The following C12orf56 variants were observed in gnomAD, a reference collection of about 807,000 sequenced individuals.
C12orf56 encodes uncharacterized protein C12orf56.
A neutral mutation model predicts 69.9 loss-of-function variants in C12orf56; 71 were observed. The observed-to-expected ratio is 1.02, with a 90% CI of 0.84 to 1.24. The LOEUF is 1.24. C12orf56 is among the 50% of genes most tolerant of loss of function. The probability of loss-of-function intolerance (pLI) is 0.00; values close to 1 mark genes in which losing one functional copy is unlikely to be tolerated. For missense variants in C12orf56, 732 were observed against 738.5 expected, an observed-to-expected ratio of 0.99 and a Z score of 0.10; for synonymous variants, 276 against 274.1, an observed-to-expected ratio of 1.01 and a Z score of -0.07.
At chr12:64,359,204 C>T (rs1713042489) in intron 1 of C12orf56, among the ~76,000 whole-genome samples, 1 of 152,134 alleles carries the variant, frequency 6.6e-6, no homozygotes, top group Admixed American at 6.6e-5. Context: ...TTAGGCCTAA[C>T]TTTCTCCAAT....
intron 5 of C12orf56, among the ~76,000 whole-genome samples, chr12:64,307,515 A>G (rs2038530852): frequency 1.3e-5 from 2 of 151,742 alleles, no homozygotes; most frequent in African/African-American, 4.8e-5. Context: ...GATTACAGGC[A>G]CACACCACCA....
At chr12:64,326,590 A>G (rs1405936209) in intron 3 of C12orf56, among the ~76,000 whole-genome samples, 2 of 152,054 alleles carry the variant, frequency 1.3e-5, no homozygotes, top group Non-Finnish European at 2.9e-5. Flanking sequence ...CAAAAAAATT[A>G]GCTGGGTGTG....
intron 5 of C12orf56, among the ~76,000 whole-genome samples, chr12:64,306,766 C>T (rs2038519293): frequency 2.0e-5 from 3 of 152,148 alleles, no homozygotes; most frequent in Admixed American, 2.0e-4. Flanking sequence ...ATTTGTAAAG[C>T]ACTGGAAAGG....
intron 8 of C12orf56, among the ~76,000 whole-genome samples, chr12:64,282,483 A>G (rs965798176): frequency 1.2e-4 from 18 of 152,074 alleles, no homozygotes; most frequent in Non-Finnish European, 2.9e-5. Context: ...GCTACACAAC[A>G]TAATATGCCG....
intron 1 of C12orf56, among the ~76,000 whole-genome samples, chr12:64,358,045 A>G (rs561132383): frequency 6.6e-6 from 1 of 152,358 alleles, no homozygotes; most frequent in African/African-American, 2.4e-5. Context: ...TGTATGTAAA[A>G]GGAGGGATGA....
chr12:64,288,654 A>G (rs2038240754), intron 6 of C12orf56, among the ~76,000 whole-genome samples: 1 of 126,612 alleles, frequency 7.9e-6, no homozygotes, highest in Non-Finnish European at 1.6e-5. Context: ...AAGATCAGAT[A>G]GTTGTAGATA....
chr12:64,364,769 C>T (rs1483165408), intron 1 of C12orf56, among the ~76,000 whole-genome samples: 1 of 151,938 alleles, frequency 6.6e-6, no homozygotes, highest in Admixed American at 6.6e-5. Context: ...TGAGTCCTTT[C>T]AGTGAATCAT....
intron 1 of C12orf56, among the ~76,000 whole-genome samples, chr12:64,365,814 G>A (rs1337655050): frequency 7.3e-6 from 1 of 136,134 alleles, no homozygotes. Context: ...ATAATATATA[G>A]TGTATATATT....
At position 64,275,354 on chromosome 12, in the gene C12orf56, C is replaced by G; in HGVS notation, c.1453G>C (p.Glu485Gln). The G allele has an allele frequency of 7.1e-7, 1 of 1,414,564 alleles. No homozygotes were observed. Among genetic ancestry groups the G allele is most frequent in the Non-Finnish European group, 9.4e-7 (1 of 1,065,452 alleles). The allele number at this position is 1,414,564 out of a possible 1,614,324, so 87.6% of individuals were successfully genotyped here. A position where few individuals can be genotyped will look rare whatever the true frequency, so the allele number is the denominator to read the frequency against. The change falls in exon 10 of 13, where the codon GAG (glutamate) becomes CAG (glutamine). Residue 485 changes from glutamate (E) to glutamine (Q), a missense_variant. Glu to Gln is a conservative substitution (Grantham distance 29, BLOSUM62 2). Coordinates refer to ENST00000543942, the MANE Select transcript of C12orf56 (RefSeq NM_001170633.2). ...AGTGCTGTAGCAGTATTTGTATACT[C>G]CAGAATAAGCTTCTGTAACTAGAAT... ...FDAELQKLIL[E>Q]YTNTATALLY...
chr12:64,304,074 C>T (rs2038481817), intron 5 of C12orf56, among the ~76,000 whole-genome samples: 2 of 152,116 alleles, frequency 1.3e-5, no homozygotes, highest in South Asian at 4.1e-4. Context: ...TTACCATAAT[C>T]CATGAGCCTT....
chr12:64,384,136 A>G (rs2039757514), intron 1 of C12orf56, among the ~76,000 whole-genome samples: 1 of 152,226 alleles, frequency 6.6e-6, no homozygotes, highest in Non-Finnish European at 1.5e-5. Flanking sequence ...AGATGAAGGA[A>G]CTGAGGCAGA....
chr12:64,302,066 A>T (rs2038453465), intron 6 of C12orf56, among the ~76,000 whole-genome samples: 1 of 152,178 alleles, frequency 6.6e-6, no homozygotes, highest in South Asian at 2.1e-4. Flanking sequence ...TGGACTGGAG[A>T]GGTTTATTTG....
chr12:64,364,119 C>T (rs942504589), intron 1 of C12orf56, among the ~76,000 whole-genome samples: 1 of 151,856 alleles, frequency 6.6e-6, no homozygotes, highest in South Asian at 2.1e-4. Flanking sequence ...TCCAGACTGG[C>T]CTGGGCAACA....
At chr12:64,345,234 A>G (rs552253201) in intron 2 of C12orf56, among the ~76,000 whole-genome samples, 2 of 152,232 alleles carry the variant, frequency 1.3e-5, no homozygotes, top group South Asian at 4.2e-4. Context: ...GAGGAGAGTC[A>G]ACATTATTTT....
At chr12:64,289,043 T>C (rs1189425231) in intron 6 of C12orf56, among the ~76,000 whole-genome samples, 1 of 127,796 alleles carries the variant, frequency 7.8e-6, no homozygotes, top group Non-Finnish European at 1.7e-5. Flanking sequence ...TGGTTTGTAG[T>C]TCTCCTTGAA....
intron 3 of C12orf56, among the ~76,000 whole-genome samples, chr12:64,325,212 G>C (rs910370138): frequency 6.6e-6 from 1 of 152,110 alleles, no homozygotes; most frequent in Non-Finnish European, 1.5e-5. Context: ...TGTTAAGAGT[G>C]TAGACTAATC....
At chr12:64,344,778 A>G (rs1175931524) in intron 2 of C12orf56, among the ~76,000 whole-genome samples, 2 of 152,116 alleles carry the variant, frequency 1.3e-5, no homozygotes, top group African/African-American at 4.8e-5. Context: ...AGTAGCTCTA[A>G]AATGACTAAT....
chr12:64,363,624 C>T (rs959023692), intron 1 of C12orf56, among the ~76,000 whole-genome samples: 2 of 152,144 alleles, frequency 1.3e-5, no homozygotes, highest in African/African-American at 4.8e-5. Context: ...AATGCCGTGC[C>T]ACCTATAGAT....
In C12orf56 at chr12:64,325,300, G is replaced by T. The variant is rs950108246; in HGVS notation, c.488+5660C>A. Among the ~76,000 whole-genome samples the T allele has an allele frequency of 2.8e-4, 42 of 151,546 alleles. 1 individual carries two copies. On this transcript the variant is annotated intron_variant, in intron 3 of 12. Transcript: ENST00000543942. ...AATCCCAGCTACCTAGGAGGTCGAG[G>T]CTTTAGTGAGCCATAATCACACCAC...
Sources: gnomAD v4.1 joint callset for allele counts (sites outside exome capture counted in the v4.1 genomes callset) on GRCh38, gnomAD v4.1.1 for gene constraint, MANE v1.5 for transcripts, NCBI Gene and HGNC (gene_info 2026-07-23, HGNC 2026-07-21) for gene names.